Variants in PEX5L observed in about 807,000 individuals in gnomAD.
PEX5L encodes PEX5-related protein.
PEX5L carries 30 observed loss-of-function variants against 84.0 expected under a neutral mutation model. The observed-to-expected ratio is 0.36, with a 90% CI of 0.27 to 0.48. PEX5L has a LOEUF of 0.48. Among genes scored for constraint, PEX5L ranks in the 20% least tolerant of loss-of-function variants. PEX5L has a pLI of 0.99. For synonymous variants in PEX5L, 270 were observed against 283.1 expected, an observed-to-expected ratio of 0.95 and a Z score of 0.46; for missense variants, 533 against 754.6, an observed-to-expected ratio of 0.71 and a Z score of 3.44.
intron 2 of PEX5L, among the ~76,000 whole-genome samples, chr3:179,912,668 T>C (rs1438105878): frequency 6.6e-6 from 1 of 152,094 alleles, no homozygotes; most frequent in Non-Finnish European, 1.5e-5. Context: ...AATTTAGAAT[T>C]GGTCGAATCT....
intron 2 of PEX5L, among the ~76,000 whole-genome samples, chr3:179,934,543 A>G (rs1774060718): frequency 6.6e-6 from 1 of 152,228 alleles, no homozygotes; most frequent in East Asian, 1.9e-4. Context: ...CAACTTGCCT[A>G]GTAAAAAATG....
At chr3:179,936,246 A>C (rs778485642) in intron 2 of PEX5L, among the ~76,000 whole-genome samples, 3 of 152,258 alleles carry the variant, frequency 2.0e-5, no homozygotes, top group Non-Finnish European at 4.4e-5. Context: ...ATTATTTTCA[A>C]GGGTTCTGGA....
intron 1 of PEX5L, among the ~76,000 whole-genome samples, chr3:180,031,425 C>T (rs549860177): frequency 7.7e-4 from 117 of 152,200 alleles, no homozygotes; most frequent in African/African-American, 2.6e-3. Flanking sequence ...GCACTCTGGC[C>T]TTGGATTCAT....
intron 8 of PEX5L, among the ~76,000 whole-genome samples, chr3:179,844,204 C>A (rs1030134688): frequency 2.0e-5 from 3 of 152,118 alleles, no homozygotes; most frequent in Non-Finnish European, 2.9e-5. Context: ...TTTCAGGCAA[C>A]CTGAAGGATG....
intron 10 of PEX5L, among the ~76,000 whole-genome samples, chr3:179,813,976 ATTT>A: frequency 7.6e-6 from 1 of 132,154 alleles, no homozygotes; most frequent in African/African-American, 2.8e-5. Flanking sequence ...GCGCCCGGCC[ATTT>A]TTTTTTTTTT....
At chr3:179,929,250 A>C (rs1262185317) in intron 2 of PEX5L, among the ~76,000 whole-genome samples, 3 of 152,188 alleles carry the variant, frequency 2.0e-5, no homozygotes, top group African/African-American at 7.2e-5. Flanking sequence ...AGCAGGGGGC[A>C]GCAGATCAGA....
At chr3:179,920,247 T>C (rs1373749006) in intron 2 of PEX5L, among the ~76,000 whole-genome samples, 1 of 152,204 alleles carries the variant, frequency 6.6e-6, no homozygotes, top group Non-Finnish European at 1.5e-5. Context: ...AGAACCAGCG[T>C]GCTCCCTTCC....
At position 180,036,769 on chromosome 3, in the gene PEX5L, T is replaced by C. The variant is rs1369039491; in HGVS notation, c.-170A>G. On this transcript the variant is annotated 5_prime_UTR_variant, in exon 1 of 15. Transcript: ENST00000467460. Reference sequence around the variant, plus strand: ...CCGGCCGGCGGCCACTCGGCAGCGCTGCGGGCTGCCGGGAACTGTTCTCCG... The same window carrying C: ...CCGGCCGGCGGCCACTCGGCAGCGCCGCGGGCTGCCGGGAACTGTTCTCCG... 7 of 698,548 alleles carry C rather than the reference T, an allele frequency of 1.0e-5. No homozygotes were observed. The highest frequency in any genetic ancestry group is 1.8e-5 in the African/African-American group (1 of 56,522). 43.3% of individuals were successfully genotyped at this position (698,548 alleles called of 1,614,324 possible).
At chr3:179,963,979 TC>T (rs1053128998) in intron 2 of PEX5L, among the ~76,000 whole-genome samples, 2 of 152,150 alleles carry the variant, frequency 1.3e-5, no homozygotes, top group African/African-American at 4.8e-5. Context: ...TAATTTAGGT[TC>T]AGGGGTACAT....
At chr3:180,003,392 A>G (rs1317043616) in intron 1 of PEX5L, among the ~76,000 whole-genome samples, 1 of 151,946 alleles carries the variant, frequency 6.6e-6, no homozygotes, top group Non-Finnish European at 1.5e-5. Context: ...ACTAAAAAAA[A>G]GAAAAAAAAA....
chr3:179,963,437 A>T (rs887378102), intron 2 of PEX5L, among the ~76,000 whole-genome samples: 1 of 152,176 alleles, frequency 6.6e-6, no homozygotes, highest in Non-Finnish European at 1.5e-5. Flanking sequence ...GTCAATGATA[A>T]CTTAATGTCC....
intron 8 of PEX5L, among the ~76,000 whole-genome samples, chr3:179,843,486 G>A (rs935262962): frequency 2.0e-5 from 3 of 152,214 alleles, no homozygotes; most frequent in Non-Finnish European, 4.4e-5. Flanking sequence ...GACTGCTGGG[G>A]CAGCAAGTAG....
At chr3:180,021,771 G>A (rs1021284740) in intron 1 of PEX5L, among the ~76,000 whole-genome samples, 1 of 152,170 alleles carries the variant, frequency 6.6e-6, no homozygotes, top group African/African-American at 2.4e-5. Flanking sequence ...TAGTGAGACT[G>A]GTGTTAAGTT....
In PEX5L at chr3:179,887,726, A is replaced by G. The variant is rs1327666097; in HGVS notation, c.257T>C (p.Leu86Pro). Reference sequence around the variant, plus strand: ...TATTGCTTCCGATTTGGTTTCACAGAGAAAGTCATCGATGGAGGGACTCAG... The same window carrying G: ...TATTGCTTCCGATTTGGTTTCACAGGGAAAGTCATCGATGGAGGGACTCAG... ...PLLSPSIDDF[L>P]CETKSEAIAR... Residue 86 changes from leucine to proline, a missense_variant, in exon 4 of 15, where the codon CTC (leucine) becomes CCC (proline). By Grantham distance (98) the Leu-to-Pro change is moderately conservative. Around this residue, in one of 8 missense-constraint regions of PEX5L, gnomAD observed 259 missense variants for 301.7 expected, o/e 0.86. Coordinates refer to ENST00000467460, the MANE Select transcript of PEX5L (RefSeq NM_016559.3). The G allele has an allele frequency of 6.2e-7, 1 of 1,613,960 alleles. No homozygotes were observed. The highest frequency in any genetic ancestry group is 2.2e-5 in the East Asian group (1 of 44,884).
Position 179,801,951 on chromosome 3 carries a change from G to A in PEX5L, c.1758C>T (p.Ile586=), listed in dbSNP as rs149645300. The A allele has an allele frequency of 4.0e-5, 64 of 1,613,784 alleles. No homozygotes were observed. The East Asian group carries it at 1.4e-3, about 36-fold the overall frequency. Residue 586 remains isoleucine (I), a synonymous_variant, in exon 15 of 15, where the codon ATC becomes ATT. Transcript: ENST00000467460. ...TGAGGGCAGCCCAGATATTCCCAGA[G>A]ATTGCAGGATGAGGAACTTGCTGCT... ...RNQQQVPHPA[I]SGNIWAALRI...
At chr3:180,035,300 C>T (rs1283511304) in intron 1 of PEX5L, among the ~76,000 whole-genome samples, 5 of 152,032 alleles carry the variant, frequency 3.3e-5, no homozygotes, top group Non-Finnish European at 7.4e-5. Context: ...CTTAACTTTT[C>T]AATTGGTGTA....
chr3:179,905,349 T>G (rs1247282961), intron 2 of PEX5L, among the ~76,000 whole-genome samples: 1 of 151,720 alleles, frequency 6.6e-6, no homozygotes, highest in Non-Finnish European at 1.5e-5. Flanking sequence ...CTTGGCTCAC[T>G]GCAAGCTCTG....
At chr3:179,949,600 A>T (rs558155137) in intron 2 of PEX5L, among the ~76,000 whole-genome samples, 1 of 142,010 alleles carries the variant, frequency 7.0e-6, no homozygotes, top group East Asian at 2.1e-4. Context: ...CTTACAGAGT[A>T]TCATACTTTG....
At chr3:180,005,648 G>A (rs1230432249) in intron 1 of PEX5L, among the ~76,000 whole-genome samples, 7 of 151,998 alleles carry the variant, frequency 4.6e-5, no homozygotes, top group Non-Finnish European at 8.8e-5. Flanking sequence ...AGAATGGTGT[G>A]AACACGGGAG....
Sources: allele counts gnomAD v4.1 joint callset (sites outside exome capture counted in the v4.1 genomes callset), GRCh38; gene constraint gnomAD v4.1.1; regional missense constraint gnomAD v4.1.1; transcripts MANE v1.5; gene names NCBI Gene and HGNC (gene_info 2026-07-23, HGNC 2026-07-21).